Variants in CDYL2 observed in about 807,000 individuals in gnomAD.
CDYL2 encodes the protein chromodomain Y like 2.
A neutral mutation model predicts 49.4 loss-of-function variants in CDYL2; 23 were observed. That is an observed-to-expected ratio of 0.47 (90% CI 0.34 to 0.66). The LOEUF is 0.66. CDYL2 is among the 30% of genes least tolerant of loss of function. CDYL2 has a pLI of 0.01. For synonymous variants in CDYL2, 360 were observed against 268.8 expected (o/e 1.34, Z -3.32); for missense variants, 678 against 656.4 (o/e 1.03, Z -0.36).
chr16:80,643,718 T>C (rs111557287), intron 2 of CDYL2, among the ~76,000 whole-genome samples: 10 of 152,338 alleles, frequency 6.6e-5, no homozygotes, highest in African/African-American at 2.2e-4. Flanking sequence ...GCCCAAGCTG[T>C]ATGTTGGCCC....
Position 80,781,501 on chromosome 16 carries a change from T to C in CDYL2, c.24+22649A>G, listed in dbSNP as rs191205953. 9.2e-5 allele frequency among the ~76,000 whole-genome samples: 14 copies of C among 151,982 alleles called. No homozygotes were observed. In the East Asian group the frequency reaches 1.2e-3, roughly 13 times the overall value. ...ACAACTAGACAGAACAGTAAGAAAATAGATGACTTGAAGAACACTGTAAAC... is the reference window on the plus strand; with the variant it reads ...ACAACTAGACAGAACAGTAAGAAAACAGATGACTTGAAGAACACTGTAAAC... On this transcript the variant is annotated intron_variant, in intron 1 of 6. Transcript: ENST00000570137.
At chr16:80,634,001 C>A (rs569238063) in intron 2 of CDYL2, among the ~76,000 whole-genome samples, 1 of 152,154 alleles carries the variant, frequency 6.6e-6, no homozygotes, top group African/African-American at 2.4e-5. Flanking sequence ...CAAGCCAACA[C>A]CCCCAAACCT....
At chr16:80,727,965 A>G (rs1442491246) in intron 1 of CDYL2, among the ~76,000 whole-genome samples, 1 of 152,204 alleles carries the variant, frequency 6.6e-6, no homozygotes, top group East Asian at 1.9e-4. Flanking sequence ...CCATCATCAA[A>G]GACCAAAAGT....
intron 2 of CDYL2, among the ~76,000 whole-genome samples, chr16:80,669,771 C>T (rs765848218): frequency 6.6e-5 from 10 of 152,178 alleles, no homozygotes; most frequent in African/African-American, 9.7e-5. Flanking sequence ...GAGCACCTGT[C>T]GGAACTTGGA....
At chr16:80,716,818 G>A (rs1488683897) in intron 1 of CDYL2, among the ~76,000 whole-genome samples, 1 of 151,654 alleles carries the variant, frequency 6.6e-6, no homozygotes, top group East Asian at 1.9e-4. Flanking sequence ...TGAATGAATG[G>A]CTGAATAGAT....
At chr16:80,680,583 T>C (rs1909930496) in intron 2 of CDYL2, among the ~76,000 whole-genome samples, 2 of 152,150 alleles carry the variant, frequency 1.3e-5, no homozygotes, top group Non-Finnish European at 2.9e-5. Flanking sequence ...AGCTTTTCTG[T>C]ACCGATGAAA....
Position 80,612,966 on chromosome 16 carries a change from C to A in CDYL2, c.1008-130G>T. ...AGAGGTTAGAGGTGCCAGGCAAGGG[C>A]CTCATTGCCTGGACATGGAACCACC... On this transcript the variant is annotated intron_variant, in intron 4 of 6. Coordinates refer to ENST00000570137, the MANE Select transcript of CDYL2 (RefSeq NM_152342.4). This position sits in a 1 kb window ranked among gnomAD's most constrained non-coding sequence, Gnocchi z 5.0. 1.3e-6 allele frequency: 1 copy of A among 744,452 alleles called. No individual in the cohort carries two copies. The highest frequency in any genetic ancestry group is 2.1e-5 in the South Asian group (1 of 48,738). The allele number at this position is 744,452 out of a possible 1,614,324, so 46.1% of individuals were successfully genotyped here.
In CDYL2 at chr16:80,670,005, G is replaced by C. The variant is rs139835041; in HGVS notation, c.616+14533C>G. Among the ~76,000 whole-genome samples, 615 of 152,318 alleles carry C rather than the reference G, an allele frequency of 4.0e-3. 4 individuals carry two copies. The highest frequency in any genetic ancestry group is 0.014 in the African/African-American group (590 of 41,546). ...AATCCCTCTGCCTAAGTCTGCCTAA[G>C]TCCACCCAAACAACCCAAGACATGG... On this transcript the variant is annotated intron_variant, in intron 2 of 6. Coordinates refer to ENST00000570137, the MANE Select transcript of CDYL2 (RefSeq NM_152342.4).
intron 1 of CDYL2, among the ~76,000 whole-genome samples, chr16:80,725,303 A>G (rs1303326184): frequency 6.6e-6 from 1 of 152,198 alleles, no homozygotes; most frequent in African/African-American, 2.4e-5. Flanking sequence ...CATCCCTGAC[A>G]TCTTAGATAA....
intron 3 of CDYL2, among the ~76,000 whole-genome samples, chr16:80,629,269 G>C (rs1567547084): frequency 1.3e-5 from 2 of 152,218 alleles, no homozygotes; most frequent in South Asian, 4.1e-4. Flanking sequence ...AGCATGAAAG[G>C]AGGCAGACTT....
chr16:80,753,906 A>C (rs925351538), intron 1 of CDYL2, among the ~76,000 whole-genome samples: 3 of 152,232 alleles, frequency 2.0e-5, no homozygotes, highest in Non-Finnish European at 2.9e-5. Context: ...TGTTTCCAAA[A>C]TATATAATCC....
At chr16:80,715,024 G>C (rs1904749099) in intron 1 of CDYL2, among the ~76,000 whole-genome samples, 2 of 152,132 alleles carry the variant, frequency 1.3e-5, no homozygotes, top group South Asian at 4.1e-4. Context: ...AACATCAACA[G>C]ACACTGACAG....
intron 2 of CDYL2, among the ~76,000 whole-genome samples, chr16:80,664,504 T>A (rs2142440434): frequency 6.6e-6 from 1 of 152,228 alleles, no homozygotes; most frequent in African/African-American, 2.4e-5. Context: ...TTAATAAGCT[T>A]TGAGTTCTTT....
Position 80,678,816 on chromosome 16 carries a change from T to A in CDYL2, c.616+5722A>T, listed in dbSNP as rs917134143. On this transcript the variant is annotated intron_variant, in intron 2 of 6. Coordinates refer to ENST00000570137, the MANE Select transcript of CDYL2 (RefSeq NM_152342.4). The stretch of plus-strand genomic sequence containing the variant: ...TGCTATAAAGACACATGCACACGTA[T>A]GTTTATTGCGGCACTATTCACAATA... Among the ~76,000 whole-genome samples the A allele has an allele frequency of 4.0e-5, 6 of 151,236 alleles. 1 individual carries two copies. The highest frequency in any genetic ancestry group is 5.9e-5 in the Non-Finnish European group (4 of 67,918).
At chr16:80,745,220 G>A (rs970280712) in intron 1 of CDYL2, among the ~76,000 whole-genome samples, 2 of 152,160 alleles carry the variant, frequency 1.3e-5, no homozygotes, top group Non-Finnish European at 2.9e-5. Flanking sequence ...GGGCCTGAGG[G>A]TTTTTAACTG....
chr16:80,712,189 G>GTATA (rs527296483), intron 1 of CDYL2, among the ~76,000 whole-genome samples: 26 of 75,842 alleles, frequency 3.4e-4, no homozygotes, highest in African/African-American at 8.0e-4. Flanking sequence ...GTGTCTGTGT[G>GTATA]TGTATATATA....
intron 1 of CDYL2, among the ~76,000 whole-genome samples, chr16:80,757,621 C>T (rs1159066281): frequency 8.6e-5 from 13 of 150,488 alleles, no homozygotes; most frequent in Admixed American, 4.0e-4. Flanking sequence ...AAAATATTTG[C>T]CATTTTGATA....
intron 4 of CDYL2, among the ~76,000 whole-genome samples, chr16:80,617,482 G>C (rs1228266713): frequency 6.6e-6 from 1 of 152,248 alleles, no homozygotes; most frequent in African/African-American, 2.4e-5. Context: ...TTCAATGACA[G>C]TGCGCTTCTC....
chr16:80,729,561 G>C (rs554114103), intron 1 of CDYL2, among the ~76,000 whole-genome samples: 1 of 151,924 alleles, frequency 6.6e-6, no homozygotes, highest in East Asian at 1.9e-4. Context: ...AAGTCAACAA[G>C]GATACCCAGG....
Sources: gnomAD v4.1 joint callset for allele counts (sites outside exome capture counted in the v4.1 genomes callset) on GRCh38, gnomAD v4.1.1 for gene constraint, Gnocchi (gnomAD v3.1) non-coding constraint, MANE v1.5 for transcripts, NCBI Gene and HGNC (gene_info 2026-07-23, HGNC 2026-07-21) for gene names.